Variants in NEDD9 observed in about 807,000 individuals in gnomAD.
NEDD9 encodes enhancer of filamentation 1.
In NEDD9, 26 loss-of-function variants were observed where a neutral mutation model predicts 76.6. That is an observed-to-expected ratio of 0.34 (90% confidence interval 0.25 to 0.47). NEDD9 has a LOEUF of 0.47. Among genes scored for constraint, NEDD9 ranks in the 20% least tolerant of loss-of-function variants. NEDD9 has a pLI of 1.00. For synonymous variants in NEDD9, 392 were observed against 414.2 expected, an observed-to-expected ratio of 0.95 and a Z score of 0.65; for missense variants, 937 against 1,058.5, an observed-to-expected ratio of 0.89 and a Z score of 1.59.
chr6:11,233,674 G>A (rs967701304), upstream of NEDD9, among the ~76,000 whole-genome samples: 1 of 152,148 alleles, frequency 6.6e-6, no homozygotes, highest in Non-Finnish European at 1.5e-5. Flanking sequence ...TTCTATAAAG[G>A]TTCCATTTTA....
intron 2 of NEDD9, among the ~76,000 whole-genome samples, chr6:11,308,961 G>A (rs1263621669): frequency 6.6e-6 from 1 of 152,196 alleles, no homozygotes; most frequent in Non-Finnish European, 1.5e-5. Context: ...AAGCAAAGCA[G>A]CGTCTAAAGT....
chr6:11,269,512 A>G (rs1037127896), intron 3 of NEDD9, among the ~76,000 whole-genome samples: 2 of 152,222 alleles, frequency 1.3e-5, no homozygotes. Flanking sequence ...CAGAAAATGC[A>G]TACACAAAAT....
intron 1 of NEDD9, among the ~76,000 whole-genome samples, chr6:11,232,120 A>G (rs1759485584): frequency 6.6e-6 from 1 of 152,006 alleles, no homozygotes; most frequent in Admixed American, 6.6e-5. Flanking sequence ...CATTCCTCTC[A>G]TTACAGTTCC....
intron 1 of NEDD9, among the ~76,000 whole-genome samples, chr6:11,226,572 A>G (rs1249420809): frequency 3.3e-5 from 5 of 152,224 alleles, no homozygotes; most frequent in Admixed American, 1.3e-4. Flanking sequence ...CTGCAATTGG[A>G]TAAGAGAGTT....
At chr6:11,197,242 CCT>C (rs1190799920) in intron 2 of NEDD9, among the ~76,000 whole-genome samples, 1 of 146,444 alleles carries the variant, frequency 6.8e-6, no homozygotes, top group Non-Finnish European at 1.5e-5. Flanking sequence ...TTCCTTTCCC[CCT>C]CTGTTTGCTT....
At chr6:11,254,511 C>A (rs1759967164) in intron 3 of NEDD9, among the ~76,000 whole-genome samples, 1 of 152,138 alleles carries the variant, frequency 6.6e-6, no homozygotes, top group African/African-American at 2.4e-5. Flanking sequence ...TTTTGGGGAA[C>A]AGGTAGTTTT....
chr6:11,298,400 A>G (rs1318594817), intron 3 of NEDD9, among the ~76,000 whole-genome samples: 6 of 152,236 alleles, frequency 3.9e-5, no homozygotes, highest in Admixed American at 3.9e-4. Flanking sequence ...TTTTGACTCA[A>G]CATAGATAAT....
At position 11,188,209 on chromosome 6, in the gene NEDD9, T is replaced by G; in HGVS notation, c.1995+9A>C. The G allele has an allele frequency of 1.2e-6, 2 of 1,612,764 alleles. No individual in the cohort carries two copies. The highest frequency in any genetic ancestry group is 1.7e-6 in the Non-Finnish European group (2 of 1,178,680). On this transcript the variant is annotated intron_variant, in intron 6 of 6. Coordinates refer to ENST00000379446, the MANE Select transcript of NEDD9 (RefSeq NM_006403.4). ...AATGCCAAGCAGTTTTTGCTCTGAT[T>G]GAACTTACCTGATGATGTTCCAGCT...
At chr6:11,211,561 C>G (rs1005956573) in intron 2 of NEDD9, among the ~76,000 whole-genome samples, 1 of 152,160 alleles carries the variant, frequency 6.6e-6, no homozygotes, top group Admixed American at 6.5e-5. Flanking sequence ...TATAGTTACA[C>G]CTTTCAACTG....
chr6:11,220,112 G>C (rs1423999279), intron 1 of NEDD9, among the ~76,000 whole-genome samples: 2 of 152,164 alleles, frequency 1.3e-5, no homozygotes, highest in Non-Finnish European at 2.9e-5. Context: ...GCTGAATGGA[G>C]CTCACAGAAA....
intron 3 of NEDD9, among the ~76,000 whole-genome samples, chr6:11,275,424 A>T (rs948467376): frequency 6.6e-6 from 1 of 152,174 alleles, no homozygotes; most frequent in Admixed American, 6.5e-5. Flanking sequence ...TAAAAAAATG[A>T]TATATGTCAG....
chr6:11,230,068 T>C (rs1759425184), intron 1 of NEDD9, among the ~76,000 whole-genome samples: 1 of 152,226 alleles, frequency 6.6e-6, no homozygotes, highest in African/African-American at 2.4e-5. Flanking sequence ...TAGAGATAAT[T>C]CCTGTCTCTG....
At chr6:11,308,982 GTCC>G in intron 2 of NEDD9, among the ~76,000 whole-genome samples, 1 of 152,252 alleles carries the variant, frequency 6.6e-6, no homozygotes, top group South Asian at 2.1e-4. Flanking sequence ...ATACTTATGT[GTCC>G]TCAATTACTG....
chr6:11,298,243 A>G (rs1455409144), intron 3 of NEDD9, among the ~76,000 whole-genome samples: 1 of 152,140 alleles, frequency 6.6e-6, no homozygotes, highest in African/African-American at 2.4e-5. Flanking sequence ...CTACCTGAAA[A>G]AGAGCAGTAG....
chr6:11,200,205 C>T (rs866314233), intron 2 of NEDD9: 2 of 428,992 alleles, frequency 4.7e-6, no homozygotes, highest in Middle Eastern at 6.9e-4. Context: ...CCCAAACCAC[C>T]CCCGACTTTG....
chr6:11,247,606 C>G (rs917215312), intron 3 of NEDD9, among the ~76,000 whole-genome samples: 1 of 152,200 alleles, frequency 6.6e-6, no homozygotes, highest in South Asian at 2.1e-4. Context: ...CCATTTCCCC[C>G]CAGGCCCCAG....
intron 1 of NEDD9, among the ~76,000 whole-genome samples, chr6:11,353,685 T>C (rs1043908687): frequency 8.5e-5 from 13 of 152,222 alleles, no homozygotes; most frequent in African/African-American, 3.1e-4. Flanking sequence ...GGACTGGAAG[T>C]TCTATTAGTT....
At chr6:11,215,354 C>T (rs1057274662) in intron 1 of NEDD9, among the ~76,000 whole-genome samples, 1 of 152,136 alleles carries the variant, frequency 6.6e-6, no homozygotes, top group Non-Finnish European at 1.5e-5. Flanking sequence ...CTGAGGAGTG[C>T]ATATTTCAGG....
At chr6:11,217,953 A>C (rs1166941324) in intron 1 of NEDD9, among the ~76,000 whole-genome samples, 1 of 152,122 alleles carries the variant, frequency 6.6e-6, no homozygotes, top group Non-Finnish European at 1.5e-5. Context: ...GACCACTCTC[A>C]TCCTTATTCT....
Sources: allele counts gnomAD v4.1 joint callset (sites outside exome capture counted in the v4.1 genomes callset), GRCh38; gene constraint gnomAD v4.1.1; transcripts MANE v1.5; gene names NCBI Gene and HGNC (gene_info 2026-07-23, HGNC 2026-07-21).